The following SON variants were observed in gnomAD, a reference collection of about 807,000 sequenced individuals.
SON encodes the protein SON DNA and RNA binding protein.
SON carries 4 observed loss-of-function variants against 173.3 expected under a neutral mutation model. That is an observed-to-expected ratio of 0.02 (90% CI 0.01 to 0.05). SON has a LOEUF of 0.05. Among genes scored for constraint, SON ranks in the 10% least tolerant of loss-of-function variants. The pLI is 1.00. For synonymous variants in SON, 1,190 were observed against 1,105.9 expected (o/e 1.08, Z -1.51); for missense variants, 2,626 against 3,055.3 (o/e 0.86, Z 3.31).
chr21:33,560,012 G>T (rs1436711129), intron 6 of SON: 1 of 1,614,220 alleles, frequency 6.2e-7, no homozygotes, highest in Admixed American at 1.7e-5. Context: ...AGAGAACAGT[G>T]TTATCACATC....
chr21:33,552,447 CTCCATGATGTCCCCAATGGCTGATCGA>C lies in SON; in HGVS notation c.3219_3245del (p.Pro1077_Ser1085del). The C allele has an allele frequency of 6.2e-7, 1 of 1,613,996 alleles. No homozygotes were observed. The highest frequency in any genetic ancestry group is 8.5e-7 in the Non-Finnish European group (1 of 1,179,984). On this transcript the variant is annotated inframe_deletion, in exon 3 of 12. Coordinates refer to ENST00000356577, the MANE Select transcript of SON (RefSeq NM_138927.4). This position sits in a 1 kb window ranked among gnomAD's most constrained non-coding sequence, Gnocchi z 5.6. ...GCTCCATGATGTCAGCTTATGAACG[CTCCATGATGTCCCCAATGGCTGATCGA>C]TCTATGATGTCCATGGGTGCTGACC...
chr21:33,543,266 C>A, intron 1 of SON, 97 bp downstream of exon 1: 1 of 1,199,622 alleles, frequency 8.3e-7, no homozygotes, highest in Non-Finnish European at 1.2e-6. Context: ...CGTTCCCCGG[C>A]TCAGGCCCCG....
rs750309161 is a variant in SON at position 33,546,281 on chromosome 21, C to T, written c.146C>T (p.Ala49Val). ...ATTGAAGGAAACCAGGCGGGTGATG[C>T]AGCTGCCTCTGCCAGGAGTCTACCA... The part of the protein sequence containing the change: ...TPIEGNQAGD[A>V]AASARSLPNE... Residue 49 changes from alanine to valine, a missense_variant, in exon 2 of 12, where the codon GCA becomes GTA. By Grantham distance (64) the Ala-to-Val change is moderately conservative. This residue lies in a region of SON where 757 missense variants were observed against 730.1 expected (regional missense o/e 1.04). Coordinates refer to ENST00000356577, the MANE Select transcript of SON (RefSeq NM_138927.4). The T allele has an allele frequency of 9.9e-6, 16 of 1,613,590 alleles. No homozygotes were observed. The highest frequency in any genetic ancestry group is 1.4e-5 in the Non-Finnish European group (16 of 1,179,692).
rs900933717 is a variant in SON, at chr21:33,577,341, C to CT, written c.*918dup. The CT allele has an allele frequency of 1.0e-4, 16 of 152,558 alleles. No homozygotes were observed. Among genetic ancestry groups the CT allele is most frequent in the African/African-American group, 3.9e-4 (16 of 41,480 alleles). 9.5% of individuals were successfully genotyped at this position (152,558 alleles called of 1,614,324 possible). On this transcript the variant is annotated 3_prime_UTR_variant, in exon 12 of 12. Coordinates refer to ENST00000356577, the MANE Select transcript of SON (RefSeq NM_138927.4). ...TGGCAACCAGCCACTATTTTGTTGA[C>CT]TATGAGAAAGTTAAAAGTTTATGTT...
chr21:33,573,891 A>G (rs1002189272), intron 9 of SON, among the ~76,000 whole-genome samples: 1 of 152,212 alleles, frequency 6.6e-6, no homozygotes, highest in African/African-American at 2.4e-5. Context: ...TAGATTTCAT[A>G]AACCCTGTTT....
At chr21:33,562,498 C>T (rs2086087891) in intron 6 of SON, among the ~76,000 whole-genome samples, 1 of 152,290 alleles carries the variant, frequency 6.6e-6, no homozygotes, top group South Asian at 2.1e-4. Flanking sequence ...ATTAGCTTTG[C>T]TGTAATCCCT....
rs1188384205 is a variant in SON at position 33,559,275 on chromosome 21, G to A, written c.6367G>A (p.Val2123Met). ...AQSKEDDDVI[V>M]NKPHVSDEEE... ...GAGTAAAGAAGATGATGATGTAATA[G>A]TGAATAAACCTCATGTTTCGGATGA... is the stretch of plus-strand genomic sequence containing the variant. The change falls in exon 5 of 12, where the codon GTG (valine) becomes ATG (methionine). Residue 2123 changes from valine to methionine, a missense_variant. This residue lies in a region of SON where 75 missense variants were observed against 201.6 expected (regional missense o/e 0.37). Coordinates refer to ENST00000356577, the MANE Select transcript of SON (RefSeq NM_138927.4). This position sits in a 1 kb window ranked among gnomAD's most constrained non-coding sequence, Gnocchi z 4.1. 6.2e-7 allele frequency: 1 copy of A among 1,608,230 alleles called. No homozygotes were observed. The highest frequency in any genetic ancestry group is 2.2e-5 in the East Asian group (1 of 44,756).
chr21:33,544,674 T>A (rs2085571949), intron 1 of SON, among the ~76,000 whole-genome samples: 1 of 152,246 alleles, frequency 6.6e-6, no homozygotes, highest in African/African-American at 2.4e-5. Flanking sequence ...CTGCATAGAA[T>A]CCCATTGTAG....
chr21:33,548,277 A>G (rs1226514046), intron 2 of SON, among the ~76,000 whole-genome samples: 3 of 151,670 alleles, frequency 2.0e-5, no homozygotes, highest in Non-Finnish European at 2.9e-5. Flanking sequence ...TGGTTTTAGA[A>G]TAGTATTGGG....
In SON at chr21:33,557,161, G is replaced by A. The variant is rs2085984945; in HGVS notation, c.6166G>A (p.Ala2056Thr). ...SPKRLTDLDK[A>T]QLLEIAKANA... ...TTGTATTTTTCTTCTTACAGATAAG[G>A]CTCAATTACTTGAAATAGCCAAAGC... Residue 2056 changes from alanine to threonine, a missense_variant, in exon 4 of 12, where the codon GCT becomes ACT. Ala to Thr is a moderately conservative substitution (Grantham distance 58, BLOSUM62 0). This residue lies in a region of SON where 138 missense variants were observed against 222.9 expected (regional missense o/e 0.62). Transcript: ENST00000356577. 2.5e-6 allele frequency: 4 copies of A among 1,608,932 alleles called. No individual in the cohort carries two copies. The highest frequency in any genetic ancestry group is 1.7e-6 in the Non-Finnish European group (2 of 1,179,110).
chr21:33,555,084 T>G lies in SON; in HGVS notation c.5853T>G (p.Ile1951Met). The G allele has an allele frequency of 6.3e-7, 1 of 1,599,878 alleles. No homozygotes were observed. The highest frequency in any genetic ancestry group is 1.7e-5 in the Admixed American group (1 of 58,838). The change falls in exon 3 of 12, where the codon ATT (isoleucine) becomes ATG (methionine). Residue 1951 changes from isoleucine to methionine, a missense_variant. Ile to Met is a conservative substitution (Grantham distance 10). Around this residue, in one of 13 missense-constraint regions of SON, gnomAD observed 138 missense variants for 222.9 expected, o/e 0.62. Transcript: ENST00000356577. ...TGGGTAGAAGAAGGAGCTTTAGCAT[T>G]TCCCCAAGCCGCCGCAGCCGCACCC... ...RSVGRRRSFS[I>M]SPSRRSRTPS...
intron 11 of SON, 38 bp downstream of exon 11, chr21:33,575,931 T>G: frequency 9.9e-7 from 1 of 1,011,648 alleles, no homozygotes; most frequent in Non-Finnish European, 1.5e-6. Flanking sequence ...ATATATTTAT[T>G]AATGTGATGA....
chr21:33,573,062 G>A (rs538334102), intron 8 of SON: 6 of 351,824 alleles, frequency 1.7e-5, no homozygotes, highest in African/African-American at 2.1e-5. Flanking sequence ...AGGGGGGCAC[G>A]AGGGCTACTG....
rs1156614971 is a variant in SON, at chr21:33,551,484, G to A, written c.2253G>A (p.Met751Ile). 1.9e-6 allele frequency: 3 copies of A among 1,613,970 alleles called. No individual in the cohort carries two copies. The highest frequency in any genetic ancestry group is 1.7e-5 in the Admixed American group (1 of 59,994). Reference sequence around the variant, plus strand: ...CCCAGATGCTAGCATCCAACACCATGGACTCCCAGATGTTAGCGTCTAGCA... The same window carrying A: ...CCCAGATGCTAGCATCCAACACCATAGACTCCCAGATGTTAGCGTCTAGCA... ...MDSQMLASNT[M>I]DSQMLASSTM... The change falls in exon 3 of 12, where the codon ATG becomes ATA. Residue 751 changes from methionine to isoleucine, a missense_variant. Physicochemically the swap from Met to Ile is conservative, Grantham distance 10. This residue lies in a region of SON where 182 missense variants were observed against 193.6 expected (regional missense o/e 0.94). Transcript: ENST00000356577.
At position 33,559,295 on chromosome 21, in the gene SON, G is replaced by A. The variant is rs552052844; in HGVS notation, c.6387G>A (p.Ser2129=). The A allele has an allele frequency of 1.6e-5, 26 of 1,611,562 alleles. No homozygotes were observed. Among genetic ancestry groups the A allele is most frequent in the South Asian group, 7.7e-5 (7 of 90,798 alleles). Residue 2129 remains serine, a synonymous_variant, in exon 5 of 12, where the codon TCG becomes TCA. Transcript: ENST00000356577. This position sits in a 1 kb window ranked among gnomAD's most constrained non-coding sequence, Gnocchi z 4.1. ...DDVIVNKPHV[S]DEEEEEPPFY... Reference sequence around the variant, plus strand: ...TAATAGTGAATAAACCTCATGTTTCGGATGAAGAGGAAGAAGAACCTCCTT... The same window carrying A: ...TAATAGTGAATAAACCTCATGTTTCAGATGAAGAGGAAGAAGAACCTCCTT...
chr21:33,549,591 A>G lies in SON; in HGVS notation c.360A>G (p.Lys120=), dbSNP rs1188635967. The change falls in exon 3 of 12, where the codon AAA becomes AAG. Residue 120 remains lysine (K), a synonymous_variant. Transcript: ENST00000356577. ...KHKKHKNKKK[K]KKKEKEKKYK... is the part of the protein sequence containing the mutation. ...AAAAGCACAAAAACAAAAAGAAGAAAAAGAAGAAAGAAAAGGAAAAAAAAT... is the reference window on the plus strand; with the variant it reads ...AAAAGCACAAAAACAAAAAGAAGAAGAAGAAGAAAGAAAAGGAAAAAAAAT... The G allele has an allele frequency of 6.3e-7, 1 of 1,589,378 alleles. No individual in the cohort carries two copies. The highest frequency in any genetic ancestry group is 8.5e-7 in the Non-Finnish European group (1 of 1,173,212).
At chr21:33,567,052 G>T in intron 6 of SON, 105 bp from the exon 7 acceptor site, 1 of 583,694 alleles carries the variant, frequency 1.7e-6, no homozygotes, top group South Asian at 2.7e-5. Flanking sequence ...AGTATTATAA[G>T]ACTATTATTT....
intron 8 of SON, chr21:33,572,997 A>G (rs1008958438): frequency 3.7e-5 from 9 of 242,688 alleles, no homozygotes; most frequent in Non-Finnish European, 6.4e-5. Context: ...AAGAAGAGAT[A>G]CCAGTGAACC....
chr21:33,549,309 A>G (rs2085697938), intron 2 of SON, among the ~76,000 whole-genome samples, 167 bp from the exon 3 acceptor site: 1 of 152,170 alleles, frequency 6.6e-6, no homozygotes, highest in Non-Finnish European at 1.5e-5. Context: ...TCCTGACCTC[A>G]TGATCCACCT....
Sources: allele counts gnomAD v4.1 joint callset (sites outside exome capture counted in the v4.1 genomes callset), GRCh38; gene constraint gnomAD v4.1.1; regional missense constraint gnomAD v4.1.1; non-coding constraint Gnocchi (gnomAD v3.1); transcripts MANE v1.5; gene names NCBI Gene and HGNC (gene_info 2026-07-23, HGNC 2026-07-21).